The following NR6A1 variants were observed in gnomAD, a reference collection of about 807,000 sequenced individuals.
NR6A1 encodes the protein retinoic acid receptor-related testis-associated receptor.
Under a neutral mutation model 59.1 loss-of-function variants are expected in NR6A1, and 7 were observed. The observed-to-expected ratio is 0.12, with a 90% CI of 0.07 to 0.22. The LOEUF (loss-of-function observed/expected upper bound fraction) is 0.22, where lower values mean the gene tolerates loss of function less well. NR6A1 is among the 10% of genes least tolerant of loss of function. The probability of loss-of-function intolerance (pLI) is 1.00; values close to 1 mark genes in which losing one functional copy is unlikely to be tolerated. For missense variants in NR6A1, 468 were observed against 611.6 expected (o/e 0.77, Z 2.48); for synonymous variants, 243 against 236.1 (o/e 1.03, Z -0.27).
intron 2 of NR6A1, among the ~76,000 whole-genome samples, chr9:124,638,263 TA>T (rs35053088): frequency 0.046 from 6,355 of 139,118 alleles, 326 homozygotes; most frequent in African/African-American, 0.13. Flanking sequence ...CTTTGGTGTT[TA>T]AAAAAAAAAA....
chr9:124,526,356 C>T (rs112013978), intron 8 of NR6A1, among the ~76,000 whole-genome samples: 1,708 of 152,004 alleles, frequency 0.011, 29 homozygotes, highest in African/African-American at 0.039. Flanking sequence ...GCTGTCAGAA[C>T]CACTGCCAGC....
intron 2 of NR6A1, among the ~76,000 whole-genome samples, chr9:124,650,524 T>C (rs1256461968): frequency 6.6e-6 from 1 of 152,188 alleles, no homozygotes; most frequent in African/African-American, 2.4e-5. Flanking sequence ...TAGTATTTGA[T>C]AGCACAGTAG....
Position 124,733,306 on chromosome 9 carries a change from A to G in NR6A1, c.142+2T>C. 6.2e-7 allele frequency: 1 copy of G among 1,610,348 alleles called. No individual in the cohort carries two copies. Among genetic ancestry groups the G allele is most frequent in the Non-Finnish European group, 8.5e-7 (1 of 1,176,548 alleles). ...GAATATTGGGTAACATTGAGAACTT[A>G]CTAGTGCCTGGGTCAAGCTCTGCCA... On this transcript the variant is annotated splice_donor_variant, in intron 2 of 9. Coordinates refer to ENST00000487099, the MANE Select transcript of NR6A1 (RefSeq NM_033334.4). LOFTEE classifies it high-confidence loss of function.
At chr9:124,711,868 C>T (rs1467007398) in intron 2 of NR6A1, among the ~76,000 whole-genome samples, 1 of 152,184 alleles carries the variant, frequency 6.6e-6, no homozygotes, top group Non-Finnish European at 1.5e-5. Context: ...CTCAAAAAAT[C>T]CTCTTGCCTC....
At chr9:124,657,469 T>C (rs915552015) in intron 2 of NR6A1, among the ~76,000 whole-genome samples, 2 of 152,232 alleles carry the variant, frequency 1.3e-5, no homozygotes, top group African/African-American at 4.8e-5. Context: ...AGATTTCATA[T>C]ATCAGAGTCA....
intron 2 of NR6A1, among the ~76,000 whole-genome samples, chr9:124,591,796 C>T (rs1835132804): frequency 6.6e-6 from 1 of 152,020 alleles, no homozygotes; most frequent in African/African-American, 2.4e-5. Flanking sequence ...CCACCCCCCA[C>T]CACACACCCT....
intron 2 of NR6A1, among the ~76,000 whole-genome samples, chr9:124,614,779 C>CA (rs1352525179): frequency 6.6e-6 from 1 of 152,138 alleles, no homozygotes; most frequent in Non-Finnish European, 1.5e-5. Flanking sequence ...CTGAAATTTT[C>CA]TTTTTTTGTT....
At chr9:124,635,948 T>C (rs1465021533) in intron 2 of NR6A1, among the ~76,000 whole-genome samples, 2 of 152,266 alleles carry the variant, frequency 1.3e-5, no homozygotes, top group African/African-American at 4.8e-5. Flanking sequence ...TCTTTCAAAG[T>C]AGCTGTATCA....
intron 2 of NR6A1, among the ~76,000 whole-genome samples, chr9:124,592,006 C>T (rs1172607286): frequency 6.6e-6 from 1 of 152,090 alleles, no homozygotes; most frequent in Admixed American, 6.6e-5. Context: ...AAAGAAACCC[C>T]AGTAGCAGGG....
intron 2 of NR6A1, among the ~76,000 whole-genome samples, chr9:124,674,924 T>C (rs138843767): frequency 6.6e-6 from 1 of 152,356 alleles, no homozygotes; most frequent in Non-Finnish European, 1.5e-5. Flanking sequence ...AAAATGATTT[T>C]TCTTGCTCTT....
chr9:124,526,788 G>A lies in NR6A1; in HGVS notation c.1192C>T (p.Leu398=), dbSNP rs202128888. The A allele has an allele frequency of 6.2e-7, 1 of 1,613,552 alleles. No homozygotes were observed. Among genetic ancestry groups the A allele is most frequent in the East Asian group, 2.2e-5 (1 of 44,860 alleles). ...EYACMKAINF[L]NQDIRGLTSA... ...CACCCCAGCCACTCACCTTGATTTA[G>A]GAAGTTAATTGCTTTCATGCAAGCA... The change falls in exon 8 of 10, where the codon CTA becomes TTA. Residue 398 remains leucine, a synonymous_variant. Transcript: ENST00000487099.
rs369604074 is a variant in NR6A1 at position 124,559,160 on chromosome 9, C to A, written c.143-4590G>T. ...TTCGAGACATATTATTCCTATATTACTGAATCTGGAATCTTAAGAGTTAGA... is the reference window on the plus strand; with the variant it reads ...TTCGAGACATATTATTCCTATATTAATGAATCTGGAATCTTAAGAGTTAGA... On this transcript the variant is annotated intron_variant, in intron 2 of 9. Transcript: ENST00000487099. Among the ~76,000 whole-genome samples the A allele has an allele frequency of 1.3e-4, 20 of 152,234 alleles. No individual in the cohort carries two copies. In the East Asian group the frequency reaches 1.9e-3, roughly 15 times the overall value.
chr9:124,733,066 A>G (rs1189303075), intron 2 of NR6A1, among the ~76,000 whole-genome samples: 1 of 152,196 alleles, frequency 6.6e-6, no homozygotes, highest in African/African-American at 2.4e-5. Context: ...ACTGGTGTTA[A>G]ACAGAAATTT....
chr9:124,594,643 T>G (rs1173894552), intron 2 of NR6A1, among the ~76,000 whole-genome samples: 1 of 152,228 alleles, frequency 6.6e-6, no homozygotes, highest in African/African-American at 2.4e-5. Flanking sequence ...AACTGGTATT[T>G]TCTACAAACT....
intron 1 of NR6A1, among the ~76,000 whole-genome samples, chr9:124,765,413 T>C (rs1207358361): frequency 1.3e-5 from 2 of 152,370 alleles, no homozygotes; most frequent in East Asian, 1.9e-4. Context: ...ATTTTCTATT[T>C]AGACGTAAGA....
intron 2 of NR6A1, among the ~76,000 whole-genome samples, chr9:124,721,166 G>C (rs988768073): frequency 6.6e-6 from 1 of 152,176 alleles, no homozygotes; most frequent in Admixed American, 6.5e-5. Flanking sequence ...ACCAGAGATA[G>C]TGGCAGACAT....
intron 1 of NR6A1, among the ~76,000 whole-genome samples, chr9:124,762,588 T>C (rs936982517): frequency 6.6e-6 from 1 of 152,198 alleles, no homozygotes; most frequent in East Asian, 1.9e-4. Context: ...CAAAACTCAA[T>C]TAAGTGGTAC....
intron 2 of NR6A1, among the ~76,000 whole-genome samples, chr9:124,603,632 C>T (rs1385747757): frequency 1.3e-5 from 2 of 152,136 alleles, no homozygotes; most frequent in Non-Finnish European, 2.9e-5. Flanking sequence ...CATATGTATC[C>T]GTCACTGGAT....
At chr9:124,748,770 C>G (rs1295260088) in intron 1 of NR6A1, among the ~76,000 whole-genome samples, 2 of 150,702 alleles carry the variant, frequency 1.3e-5, no homozygotes, top group Non-Finnish European at 2.9e-5. Context: ...GAGGCTGAGG[C>G]AGGAGAATGG....
Sources: gnomAD v4.1 joint callset for allele counts (sites outside exome capture counted in the v4.1 genomes callset) on GRCh38, gnomAD v4.1.1 for gene constraint, MANE v1.5 for transcripts, NCBI Gene and HGNC (gene_info 2026-07-23, HGNC 2026-07-21) for gene names.